The following ZNF85 variants were observed in gnomAD, a reference collection of about 807,000 sequenced individuals.
ZNF85 encodes zinc finger protein 85.
A neutral mutation model predicts 53.9 loss-of-function variants in ZNF85; 50 were observed. The ratio of observed to expected loss-of-function variants is 0.93; its 90% CI spans 0.74 to 1.17. ZNF85 has a LOEUF of 1.17. Among genes scored for constraint, ZNF85 ranks in the 50% most tolerant of loss-of-function variants. The probability of loss-of-function intolerance (pLI) is 0.00; values close to 1 mark genes in which losing one functional copy is unlikely to be tolerated. For synonymous variants in ZNF85, 225 were observed against 226.1 expected, an observed-to-expected ratio of 1.00 and a Z score of 0.04; for missense variants, 747 against 688.5, an observed-to-expected ratio of 1.08 and a Z score of -0.95.
At chr19:20,948,538 C>T (rs1266853200) in intron 3 of ZNF85, among the ~76,000 whole-genome samples, 1 of 152,102 alleles carries the variant, frequency 6.6e-6, no homozygotes, top group East Asian at 1.9e-4. Context: ...ACTGCACACA[C>T]TTAACTCATT....
Position 20,949,405 on chromosome 19 carries a change from A to T in ZNF85, c.891A>T (p.Arg297=), listed in dbSNP as rs11665995. ...KCKECGKAFN[R]SSTLTTHRKI... ...AAGAATGTGGTAAAGCTTTTAACCG[A>T]TCTTCAACCCTTACTACCCATAGAA... is the stretch of plus-strand genomic sequence containing the variant. Residue 297 remains arginine, a synonymous_variant, in exon 4 of 4, where the codon CGA becomes CGT. Coordinates refer to ENST00000328178, the MANE Select transcript of ZNF85 (RefSeq NM_003429.5). The T allele has an allele frequency of 0.12, 194,393 of 1,611,498 alleles. 12,136 individuals are homozygous for T. Among genetic ancestry groups the T allele is most frequent in the Non-Finnish European group, 0.13 (151,566 of 1,179,090 alleles).
At chr19:20,947,031 T>A (rs1365892034) in intron 3 of ZNF85, among the ~76,000 whole-genome samples, 2 of 151,964 alleles carry the variant, frequency 1.3e-5, no homozygotes, top group South Asian at 4.1e-4. Flanking sequence ...TCTCTTTCTT[T>A]GTGTCATTTT....
intron 1 of ZNF85, among the ~76,000 whole-genome samples, chr19:20,923,958 G>C (rs1251563397): frequency 1.3e-5 from 2 of 151,902 alleles, no homozygotes; most frequent in East Asian, 3.9e-4. Flanking sequence ...CGTGGCGCGC[G>C]CCTGCAATCC....
At chr19:20,929,181 ATCTCT>A (rs1485128361) in intron 1 of ZNF85, among the ~76,000 whole-genome samples, 1 of 144,236 alleles carries the variant, frequency 6.9e-6, no homozygotes, top group African/African-American at 2.5e-5. Flanking sequence ...ACAAAAACTG[ATCTCT>A]TCTTTTTTTT....
At chr19:20,931,940 G>T (rs1490224678) in intron 1 of ZNF85, among the ~76,000 whole-genome samples, 1 of 152,078 alleles carries the variant, frequency 6.6e-6, no homozygotes. Flanking sequence ...AGCAGAAATT[G>T]CTGGTGTCTG....
intron 1 of ZNF85, among the ~76,000 whole-genome samples, chr19:20,925,481 C>G (rs888154615): frequency 4.6e-5 from 7 of 151,182 alleles, no homozygotes; most frequent in African/African-American, 1.5e-4. Context: ...AGATTGACTT[C>G]ACCCAACCCA....
At position 20,949,785 on chromosome 19, in the gene ZNF85, A is replaced by G; in HGVS notation, c.1271A>G (p.Lys424Arg). 6.2e-7 allele frequency: 1 copy of G among 1,611,886 alleles called. No homozygotes were observed. Among genetic ancestry groups the G allele is most frequent in the Non-Finnish European group, 8.5e-7 (1 of 1,178,990 alleles). Residue 424 changes from lysine (K) to arginine (R), a missense_variant, in exon 4 of 4, where the codon AAG becomes AGG. By Grantham distance (26) the Lys-to-Arg change is conservative. Coordinates refer to ENST00000328178, the MANE Select transcript of ZNF85 (RefSeq NM_003429.5). ...TKHKIIHTGE[K>R]PYKCKECEKA... The stretch of plus-strand genomic sequence containing the variant: ...CATAAGATAATTCATACTGGAGAGA[A>G]GCCTTACAAATGTAAAGAATGTGAA...
chr19:20,929,447 G>A (rs1362865436), intron 1 of ZNF85, among the ~76,000 whole-genome samples: 8 of 152,058 alleles, frequency 5.3e-5, no homozygotes, highest in Admixed American at 5.2e-4. Context: ...GCCTCCAAAA[G>A]TGCTGGGATT....
Position 20,949,612 on chromosome 19 carries a change from A to G in ZNF85, c.1098A>G (p.Gly366=), listed in dbSNP as rs61734283. ...HLTTHEVIHT[G]EKPYKCEKCG... is the part of the protein sequence containing the mutation. Reference sequence around the variant, plus strand: ...CCACACATGAGGTAATTCATACTGGAGAGAAACCCTACAAATGTGAAAAAT... The same window carrying G: ...CCACACATGAGGTAATTCATACTGGGGAGAAACCCTACAAATGTGAAAAAT... Residue 366 remains glycine, a synonymous_variant, in exon 4 of 4, where the codon GGA becomes GGG. Transcript: ENST00000328178. 2,336 of 1,602,866 alleles carry G rather than the reference A, an allele frequency of 1.5e-3. 43 individuals are homozygous for G. In the African/African-American group the frequency reaches 0.028, roughly 19 times the overall value.
In ZNF85 at chr19:20,949,780, A is replaced by C; in HGVS notation, c.1266A>C (p.Gly422=). The part of the protein sequence containing the change: ...TLTKHKIIHT[G]EKPYKCKECE... ...CTAAACATAAGATAATTCATACTGGAGAGAAGCCTTACAAATGTAAAGAAT... is the reference window on the plus strand; with the variant it reads ...CTAAACATAAGATAATTCATACTGGCGAGAAGCCTTACAAATGTAAAGAAT... Residue 422 remains glycine, a synonymous_variant, in exon 4 of 4, where the codon GGA becomes GGC. Transcript: ENST00000328178. The C allele has an allele frequency of 1.2e-6, 2 of 1,612,070 alleles. No individual in the cohort carries two copies. The highest frequency in any genetic ancestry group is 1.7e-6 in the Non-Finnish European group (2 of 1,179,088).
chr19:20,927,575 C>CAGGA (rs1254572370), intron 1 of ZNF85: 1 of 151,686 alleles, frequency 6.6e-6, no homozygotes, highest in Non-Finnish European at 1.5e-5. Flanking sequence ...AAGGGAGTGT[C>CAGGA]TTCTAAGTCA....
chr19:20,923,448 T>C (rs997712068), intron 1 of ZNF85, 45 bp downstream of exon 1: 1 of 1,613,356 alleles, frequency 6.2e-7, no homozygotes, highest in Non-Finnish European at 8.5e-7. Flanking sequence ...AGGGGTTGGT[T>C]GAAACCGGTG....
At chr19:20,941,545 G>C (rs2144650091) in intron 3 of ZNF85, among the ~76,000 whole-genome samples, 1 of 151,718 alleles carries the variant, frequency 6.6e-6, no homozygotes, top group East Asian at 1.9e-4. Context: ...TTACAGGCAT[G>C]AGCCACCGTG....
At chr19:20,934,895 T>C in intron 2 of ZNF85, 54 bp from the exon 3 acceptor site, 1 of 1,212,504 alleles carries the variant, frequency 8.2e-7, no homozygotes, top group Non-Finnish European at 1.2e-6. Context: ...CATTACTAGA[T>C]TGGTCATTAG....
Position 20,934,073 on chromosome 19 carries a change from G to A in ZNF85, c.53G>A (p.Trp18Ter), listed in dbSNP as rs1410030070. ...GCCATAGAATTCTCTCTGAAGGAGT[G>A]GCAATGCCTGGACACTGCACAGCGG... Reference protein sequence around the residue: ...DVAIEFSLKEWQCLDTAQRNL... With the variant: ...DVAIEFSLKE The change falls in exon 2 of 4, where the codon TGG becomes TAG. Residue 18 changes from tryptophan to a stop codon, truncating the protein, a stop_gained. Coordinates refer to ENST00000328178, the MANE Select transcript of ZNF85 (RefSeq NM_003429.5). LOFTEE classifies it high-confidence loss of function. 1 of 1,612,682 alleles carries A rather than the reference G, an allele frequency of 6.2e-7. No homozygotes were observed. The highest frequency in any genetic ancestry group is 1.3e-5 in the African/African-American group (1 of 74,928).
rs1295689486 is a variant in ZNF85 at position 20,949,811 on chromosome 19, A to G, written c.1297A>G (p.Lys433Glu). 1 of 1,612,156 alleles carries G rather than the reference A, an allele frequency of 6.2e-7. No homozygotes were observed. The highest frequency in any genetic ancestry group is 8.5e-7 in the Non-Finnish European group (1 of 1,179,118). ...EKPYKCKECE[K>E]AFNQSSKLTE... The stretch of plus-strand genomic sequence containing the variant: ...GCCTTACAAATGTAAAGAATGTGAA[A>G]AAGCTTTTAACCAATCCTCAAAACT... The change falls in exon 4 of 4, where the codon AAA becomes GAA. Residue 433 changes from lysine to glutamate, a missense_variant. Transcript: ENST00000328178.
intron 3 of ZNF85, among the ~76,000 whole-genome samples, chr19:20,936,301 TA>T (rs1316283407): frequency 1.3e-5 from 2 of 152,238 alleles, no homozygotes; most frequent in Non-Finnish European, 2.9e-5. Context: ...ATTTTTTTAC[TA>T]ATTCTTCTGC....
intron 1 of ZNF85, among the ~76,000 whole-genome samples, chr19:20,929,700 A>G (rs1972962769): frequency 1.3e-5 from 2 of 152,234 alleles, no homozygotes; most frequent in African/African-American, 4.8e-5. Flanking sequence ...CCCTAGTGGC[A>G]TAGAGAACAG....
In ZNF85 at chr19:20,950,180, CAT is replaced by C; in HGVS notation, c.1668_1669del (p.His556GlnfsTer13). 6.2e-7 allele frequency: 1 copy of C among 1,613,084 alleles called. No individual in the cohort carries two copies. Among genetic ancestry groups the C allele is most frequent in the Non-Finnish European group, 8.5e-7 (1 of 1,179,638 alleles). On this transcript the variant is annotated frameshift_variant, in exon 4 of 4. Transcript: ENST00000328178. LOFTEE classifies it high-confidence loss of function. ...TAACCAGTCCTCAAACCTTACTAAA[CAT>C]AAGAGAATTCATACTGGAGAAAAAC... ...AFNQSSNLTKHKRIHTGEKPY... is the reference protein window; with the variant it reads ...AFNQSSNLTKXKRIHTGEKPY...
Sources: gnomAD v4.1 joint callset for allele counts (sites outside exome capture counted in the v4.1 genomes callset) on GRCh38, gnomAD v4.1.1 for gene constraint, MANE v1.5 for transcripts, NCBI Gene and HGNC (gene_info 2026-07-23, HGNC 2026-07-21) for gene names.